The following PNPLA1 variants were observed in gnomAD, a reference collection of about 807,000 sequenced individuals.
PNPLA1 encodes patatin like domain 1, omega-hydroxyceramide transacylase.
In PNPLA1, 36 loss-of-function variants were observed where a neutral mutation model predicts 51.7. The ratio of observed to expected loss-of-function variants is 0.70; its 90% CI spans 0.53 to 0.92. PNPLA1 has a LOEUF of 0.92. Ranked by LOEUF, PNPLA1 falls within the 40% of genes least tolerant of loss-of-function variation. The pLI is 0.00. For synonymous variants in PNPLA1, 293 were observed against 280.1 expected (o/e 1.05, Z -0.46); for missense variants, 658 against 682.5 (o/e 0.96, Z 0.40).
chr6:36,257,146 T>C (rs1419992550), intron 1 of PNPLA1, among the ~76,000 whole-genome samples: 3 of 152,124 alleles, frequency 2.0e-5, no homozygotes. Context: ...GAGAAGCTTC[T>C]GGGTGGAGAA....
At position 36,294,503 on chromosome 6, in the gene PNPLA1, C is replaced by T; in HGVS notation, c.714+104C>T. 2 of 1,080,174 alleles carry T rather than the reference C, an allele frequency of 1.9e-6. No homozygotes were observed. The highest frequency in any genetic ancestry group is 2.9e-5 in the South Asian group (2 of 68,670). 66.9% of individuals were successfully genotyped at this position (1,080,174 alleles called of 1,614,324 possible). On this transcript the variant is annotated intron_variant, in intron 4 of 8. Transcript: ENST00000636260. This position sits in a 1 kb window ranked among gnomAD's most constrained non-coding sequence, Gnocchi z 4.2. ...CTCAAGTTCCATCTGAGTCTCCTCCCCTCAAATGGTCCTTTAAACTTCCTC... is the reference window on the plus strand; with the variant it reads ...CTCAAGTTCCATCTGAGTCTCCTCCTCTCAAATGGTCCTTTAAACTTCCTC...
chr6:36,258,965 G>T (rs1769589457), intron 1 of PNPLA1, among the ~76,000 whole-genome samples: 1 of 152,206 alleles, frequency 6.6e-6, no homozygotes, highest in Non-Finnish European at 1.5e-5. Flanking sequence ...TCTGGAAGCA[G>T]CAGGGTTTCA....
intron 5 of PNPLA1, among the ~76,000 whole-genome samples, chr6:36,299,335 G>GTTTTTTT (rs767505825): frequency 1.7e-5 from 1 of 58,770 alleles, no homozygotes; most frequent in African/African-American, 4.4e-5. Context: ...TTTTTTGTCT[G>GTTTTTTT]TTTTTTTTTT....
At chr6:36,274,331 G>A (rs559783086) in intron 1 of PNPLA1, among the ~76,000 whole-genome samples, 1 of 152,142 alleles carries the variant, frequency 6.6e-6, no homozygotes, top group African/African-American at 2.4e-5. Flanking sequence ...CGATGTTAAG[G>A]GGTGAGGAGG....
chr6:36,300,182 A>T (rs58030803), intron 5 of PNPLA1, among the ~76,000 whole-genome samples: 11,783 of 58,928 alleles, frequency 0.2, 655 homozygotes, highest in East Asian at 0.3. Context: ...TGTGTGTGAG[A>T]GAGAGAGAGA....
intron 1 of PNPLA1, among the ~76,000 whole-genome samples, chr6:36,290,778 G>A (rs1258002788): frequency 1.1e-4 from 16 of 152,186 alleles, no homozygotes; most frequent in Non-Finnish European, 1.5e-5. Flanking sequence ...ATGGTTTCAA[G>A]ACAAAGTTCA....
At chr6:36,303,099 GA>G (rs1771118970) in intron 6 of PNPLA1, among the ~76,000 whole-genome samples, 1 of 149,786 alleles carries the variant, frequency 6.7e-6, no homozygotes, top group Non-Finnish European at 1.5e-5. Flanking sequence ...AGACTACAAA[GA>G]AATTTTTTTT....
intron 6 of PNPLA1, among the ~76,000 whole-genome samples, chr6:36,304,263 A>G (rs12189786): frequency 0.19 from 29,041 of 152,072 alleles, 3,257 homozygotes; most frequent in African/African-American, 0.31. Context: ...ATGTCTCCTC[A>G]TCTGGGAATT....
chr6:36,253,010 T>C (rs1287416719), intron 1 of PNPLA1, among the ~76,000 whole-genome samples: 1 of 151,832 alleles, frequency 6.6e-6, no homozygotes, highest in Non-Finnish European at 1.5e-5. Context: ...TGAAACCCCA[T>C]CTCTACCAAA....
intron 1 of PNPLA1, among the ~76,000 whole-genome samples, chr6:36,262,145 C>T (rs1769663766): frequency 6.6e-6 from 1 of 152,128 alleles, no homozygotes; most frequent in Non-Finnish European, 1.5e-5. Flanking sequence ...TGACCCAGAC[C>T]TCACACAGTT....
At chr6:36,261,325 C>T (rs547565058) in intron 1 of PNPLA1, among the ~76,000 whole-genome samples, 14 of 152,278 alleles carry the variant, frequency 9.2e-5, no homozygotes, top group South Asian at 4.1e-4. Context: ...TCCTGTGTAC[C>T]GAAGTGTCTT....
At chr6:36,295,221 G>GGAT in intron 4 of PNPLA1, 143 bp from the exon 5 acceptor site, 1 of 772,750 alleles carries the variant, frequency 1.3e-6, no homozygotes, top group Non-Finnish European at 2.2e-6. Flanking sequence ...AGACAGTGAG[G>GGAT]GATGGGACAC....
intron 5 of PNPLA1, among the ~76,000 whole-genome samples, chr6:36,297,034 G>A (rs956725037): frequency 1.3e-5 from 2 of 152,134 alleles, no homozygotes; most frequent in African/African-American, 2.4e-5. Flanking sequence ...TCATGAGAAC[G>A]TCAAAGTGCT....
chr6:36,266,357 C>A (rs1769760391), upstream of PNPLA1, among the ~76,000 whole-genome samples: 1 of 152,334 alleles, frequency 6.6e-6, no homozygotes, highest in Admixed American at 6.5e-5. Flanking sequence ...AACCAATACA[C>A]TCAGTGTGTC....
intron 1 of PNPLA1, among the ~76,000 whole-genome samples, chr6:36,271,924 C>T (rs1304320686): frequency 6.6e-6 from 1 of 152,200 alleles, no homozygotes; most frequent in Non-Finnish European, 1.5e-5. Context: ...ATTGAACGTT[C>T]TGCGCCTCTG....
intron 2 of PNPLA1, 72 bp from the exon 3 acceptor site, chr6:36,292,988 AG>A: frequency 7.3e-7 from 1 of 1,361,854 alleles, no homozygotes; most frequent in Non-Finnish European, 1.0e-6. Flanking sequence ...TGGGTGGCCC[AG>A]GGGCTGACAG....
chr6:36,301,266 C>G (rs543159988), intron 5 of PNPLA1, among the ~76,000 whole-genome samples: 1 of 152,240 alleles, frequency 6.6e-6, no homozygotes, highest in African/African-American at 2.4e-5. Context: ...CCACAGTGAC[C>G]TTCTCAGAAC....
At chr6:36,279,190 A>G (rs1770202720) in intron 1 of PNPLA1, among the ~76,000 whole-genome samples, 1 of 152,234 alleles carries the variant, frequency 6.6e-6, no homozygotes, top group South Asian at 2.1e-4. Context: ...TGCAAAACAC[A>G]TGAGAGGTCC....
At chr6:36,282,722 G>T (rs1277887736) in intron 1 of PNPLA1, among the ~76,000 whole-genome samples, 1 of 152,132 alleles carries the variant, frequency 6.6e-6, no homozygotes, top group Admixed American at 6.5e-5. Context: ...GTCTTGCTCT[G>T]TCACCCAGGC....
Sources: allele counts gnomAD v4.1 joint callset (sites outside exome capture counted in the v4.1 genomes callset), GRCh38; gene constraint gnomAD v4.1.1; non-coding constraint Gnocchi (gnomAD v3.1); transcripts MANE v1.5; gene names NCBI Gene and HGNC (gene_info 2026-07-23, HGNC 2026-07-21).